ADAMTS20: variants seen among roughly 807,000 people sequenced by gnomAD.
ADAMTS20 encodes the protein A disintegrin and metalloproteinase with thrombospondin motifs 20.
In ADAMTS20, 225 loss-of-function variants were observed where a neutral mutation model predicts 260.1. The ratio of observed to expected loss-of-function variants is 0.87; its 90% confidence interval spans 0.78 to 0.97. ADAMTS20 has a LOEUF of 0.97. Among genes scored for constraint, ADAMTS20 ranks in the 50% least tolerant of loss-of-function variants. The pLI, the probability that ADAMTS20 is intolerant of heterozygous loss-of-function variation, is 0.00. For missense variants in ADAMTS20, 2,400 were observed against 2,337.7 expected (o/e 1.03, Z -0.55); for synonymous variants, 802 against 769.5 (o/e 1.04, Z -0.70).
chr12:43,531,429 T>C (rs1324232886), intron 3 of ADAMTS20, among the ~76,000 whole-genome samples: 4 of 152,116 alleles, frequency 2.6e-5, no homozygotes, highest in Admixed American at 2.0e-4. Context: ...TGAAAAACTT[T>C]TGGGATTCAA....
In ADAMTS20 at chr12:43,466,659, A is replaced by G; in HGVS notation, c.1360T>C (p.Phe454Leu). 1 of 1,606,316 alleles carries G rather than the reference A, an allele frequency of 6.2e-7. No individual in the cohort carries two copies. Residue 454 changes from phenylalanine (F) to leucine (L), a missense_variant, in exon 9 of 39, where the codon TTC (phenylalanine) becomes CTC (leucine). Phe to Leu is a conservative substitution (Grantham distance 22, BLOSUM62 0). Transcript: ENST00000389420. Reference protein sequence around the residue: ...SNCSRKYVTEFLDTGYGECLL... With the variant: ...SNCSRKYVTELLDTGYGECLL... ...TAACATAAATTTACTTACTCTAGGA[A>G]TTCAGTAACATATTTCCGACTACAG...
intron 28 of ADAMTS20, among the ~76,000 whole-genome samples, chr12:43,405,410 G>A (rs1246140082): frequency 7.9e-5 from 9 of 113,836 alleles, no homozygotes; most frequent in Admixed American, 2.1e-4. Context: ...AGAAGAAGAC[G>A]TCTTCTCTAA....
intron 28 of ADAMTS20, among the ~76,000 whole-genome samples, chr12:43,422,566 T>C (rs920154957): frequency 6.6e-6 from 1 of 152,024 alleles, no homozygotes; most frequent in Non-Finnish European, 1.5e-5. Context: ...TCTAATAATA[T>C]GTAAGTACTT....
intron 29 of ADAMTS20, among the ~76,000 whole-genome samples, chr12:43,395,444 TTAAACATC>T (rs1445542821): frequency 1.3e-5 from 2 of 152,194 alleles, no homozygotes; most frequent in African/African-American, 4.8e-5. Flanking sequence ...ACAAAATATC[TTAAACATC>T]TAGCATTTAG....
At chr12:43,371,386 G>T (rs1316192612) in intron 36 of ADAMTS20, among the ~76,000 whole-genome samples, 1 of 152,146 alleles carries the variant, frequency 6.6e-6, no homozygotes, top group Non-Finnish European at 1.5e-5. Flanking sequence ...TATAGATATT[G>T]CGAACACAAC....
intron 28 of ADAMTS20, 25 bp downstream of exon 28, chr12:43,425,489 T>A: frequency 6.9e-7 from 1 of 1,447,502 alleles, no homozygotes; most frequent in East Asian, 2.5e-5. Context: ...GTATGACATG[T>A]TAACAGACAA....
intron 6 of ADAMTS20, among the ~76,000 whole-genome samples, chr12:43,492,079 A>C (rs560022445): frequency 6.6e-6 from 1 of 152,282 alleles, no homozygotes; most frequent in South Asian, 2.1e-4. Flanking sequence ...TGTATTATTA[A>C]CAAAGAATTA....
At chr12:43,519,942 G>T (rs2137479443) in intron 3 of ADAMTS20, among the ~76,000 whole-genome samples, 1 of 152,184 alleles carries the variant, frequency 6.6e-6, no homozygotes, top group South Asian at 2.1e-4. Flanking sequence ...ATCCCAATTT[G>T]CTAGAATATA....
intron 37 of ADAMTS20, among the ~76,000 whole-genome samples, chr12:43,356,838 G>A (rs1165175605): frequency 2.6e-5 from 4 of 152,112 alleles, no homozygotes; most frequent in Non-Finnish European, 2.9e-5. Context: ...ATTTCTACAC[G>A]TTCCATTTTT....
chr12:43,495,356 A>G (rs989311813), intron 4 of ADAMTS20, among the ~76,000 whole-genome samples: 2 of 152,224 alleles, frequency 1.3e-5, no homozygotes, highest in African/African-American at 4.8e-5. Context: ...TCCAATTCTA[A>G]GAGCCATTTG....
intron 15 of ADAMTS20, among the ~76,000 whole-genome samples, chr12:43,444,195 AC>A (rs769025184): frequency 5.3e-5 from 8 of 152,222 alleles, no homozygotes; most frequent in South Asian, 2.1e-4. Flanking sequence ...TAGTACACAT[AC>A]CCATTTTTAA....
intron 28 of ADAMTS20, among the ~76,000 whole-genome samples, chr12:43,412,828 TTGAGACA>T (rs1941057813): frequency 8.6e-6 from 1 of 115,954 alleles, no homozygotes. Context: ...TTTTTTTTTT[TTGAGACA>T]GAGTCTGGCT....
chr12:43,520,225 C>T (rs1040540002), intron 3 of ADAMTS20, among the ~76,000 whole-genome samples: 2 of 152,070 alleles, frequency 1.3e-5, no homozygotes, highest in Non-Finnish European at 2.9e-5. Flanking sequence ...AGAAAACATG[C>T]ACATCAGGCA....
rs771278406 is a variant in ADAMTS20 at position 43,551,216 on chromosome 12, T to C, written c.146A>G (p.Asn49Ser). ...SYEVVIPERVNEFGEVFPQSH... is the reference protein window; with the variant it reads ...SYEVVIPERVSEFGEVFPQSH... ...CTGAGGGAACACTTCTCCAAACTCA[T>C]TGACCCGCTCGGGGATCACTACTTC... Residue 49 changes from asparagine (N) to serine (S), a missense_variant, in exon 2 of 39, where the codon AAT becomes AGT. Transcript: ENST00000389420. This position sits in a 1 kb window ranked among gnomAD's most constrained non-coding sequence, Gnocchi z 4.6. 1.2e-6 allele frequency: 2 copies of C among 1,613,860 alleles called. No homozygotes were observed. The highest frequency in any genetic ancestry group is 1.7e-6 in the Non-Finnish European group (2 of 1,179,864).
intron 28 of ADAMTS20, among the ~76,000 whole-genome samples, chr12:43,415,974 TCTC>T (rs1372112186): frequency 6.6e-6 from 1 of 152,160 alleles, no homozygotes; most frequent in Non-Finnish European, 1.5e-5. Flanking sequence ...AAACTTTTAC[TCTC>T]CTCAAGTCCA....
chr12:43,493,072 A>T (rs951845942), intron 5 of ADAMTS20, 98 bp downstream of exon 5: 4 of 847,080 alleles, frequency 4.7e-6, no homozygotes, highest in South Asian at 1.6e-5. Context: ...TTAAAATTTT[A>T]AAAATATCTC....
At position 43,464,681 on chromosome 12, in the gene ADAMTS20, A is replaced by T. The variant is rs986401035; in HGVS notation, c.1419T>A (p.Asn473Lys). ...LLDKPDEEIY[N>K]LPSELPGSRY... ...GTGATCCAGGAAGTTCTGAAGGCAG[A>T]TTATATATTTCTTCATCTGGTTTGT... Residue 473 changes from asparagine to lysine, a missense_variant, in exon 10 of 39, where the codon AAT becomes AAA. Transcript: ENST00000389420. The T allele has an allele frequency of 1.4e-5, 23 of 1,613,396 alleles. No individual in the cohort carries two copies. Among genetic ancestry groups the T allele is most frequent in the Non-Finnish European group, 2.0e-5 (23 of 1,179,452 alleles).
At chr12:43,487,366 A>G (rs1299251625) in intron 7 of ADAMTS20, among the ~76,000 whole-genome samples, 1 of 140,114 alleles carries the variant, frequency 7.1e-6, no homozygotes, top group African/African-American at 2.6e-5. Flanking sequence ...AAACTAAGCT[A>G]TGGGTATGCA....
At chr12:43,544,279 A>T (rs1222272646) in intron 2 of ADAMTS20, among the ~76,000 whole-genome samples, 1 of 152,228 alleles carries the variant, frequency 6.6e-6, no homozygotes, top group Non-Finnish European at 1.5e-5. Flanking sequence ...TTTAACTAAA[A>T]TTGGTAAAGT....
Sources: allele counts gnomAD v4.1 joint callset (sites outside exome capture counted in the v4.1 genomes callset), GRCh38; gene constraint gnomAD v4.1.1; non-coding constraint Gnocchi (gnomAD v3.1); transcripts MANE v1.5; gene names NCBI Gene and HGNC (gene_info 2026-07-23, HGNC 2026-07-21).